The following MAPK9 variants were observed in gnomAD, a reference collection of about 807,000 sequenced individuals.
MAPK9 encodes mitogen-activated protein kinase 9.
In MAPK9, 30 loss-of-function variants were observed where a neutral mutation model predicts 57.1. That is an observed-to-expected ratio of 0.53 (90% CI 0.39 to 0.71). MAPK9 has a LOEUF of 0.71. Among genes scored for constraint, MAPK9 ranks in the 30% least tolerant of loss-of-function variants. MAPK9 has a pLI of 0.00. For missense variants in MAPK9, 362 were observed against 521.0 expected (o/e 0.69, Z 2.97); for synonymous variants, 155 against 177.0 (o/e 0.88, Z 0.99).
intron 2 of MAPK9, among the ~76,000 whole-genome samples, chr5:180,277,466 C>T (rs1324391457): frequency 6.6e-6 from 1 of 152,230 alleles, no homozygotes; most frequent in Admixed American, 6.5e-5. Context: ...AAGAAGGACC[C>T]ACCCAACTAA....
chr5:180,270,043 C>T (rs1340344300), intron 2 of MAPK9, among the ~76,000 whole-genome samples: 4 of 152,170 alleles, frequency 2.6e-5, no homozygotes, highest in African/African-American at 7.2e-5. Flanking sequence ...TCCAGCATCT[C>T]GTTTCCTGTT....
intron 5 of MAPK9, among the ~76,000 whole-genome samples, chr5:180,255,826 T>G (rs1299114135): frequency 3.3e-5 from 5 of 152,114 alleles, no homozygotes. Flanking sequence ...TATTTCAATA[T>G]GGAAATAGAG....
intron 5 of MAPK9, among the ~76,000 whole-genome samples, chr5:180,251,742 G>A (rs985178317): frequency 6.6e-6 from 1 of 152,202 alleles, no homozygotes; most frequent in Admixed American, 6.5e-5. Context: ...AGTGACGCCT[G>A]GATCGGGGCT....
rs781319821 is a variant in MAPK9 at position 180,238,332 on chromosome 5, C to A, written c.1132G>T (p.Asp378Tyr). The A allele has an allele frequency of 6.2e-7, 1 of 1,610,606 alleles. No homozygotes were observed. Among genetic ancestry groups the A allele is most frequent in the African/African-American group, 1.3e-5 (1 of 74,938 alleles). ...ACAATCAATTAAAGCAATCACTAACCTGAAGGCTGATCTTTTACAACACCA... is the reference window on the plus strand; with the variant it reads ...ACAATCAATTAAAGCAATCACTAACATGAAGGCTGATCTTTTACAACACCA... ...KNGVVKDQPS[D>Y]AAVSSNATPS... The change falls in exon 11 of 12, where the codon GAT (aspartate) becomes TAT (tyrosine). Residue 378 changes from aspartate to tyrosine, a missense_variant and splice_region_variant. By Grantham distance (160) the Asp-to-Tyr change is radical. This residue lies in a region of MAPK9 where 199 missense variants were observed against 251.3 expected (regional missense o/e 0.79). Coordinates refer to ENST00000452135, the MANE Select transcript of MAPK9 (RefSeq NM_002752.5).
chr5:180,270,876 A>AG (rs1308320138), intron 2 of MAPK9, among the ~76,000 whole-genome samples: 2 of 145,266 alleles, frequency 1.4e-5, no homozygotes, highest in African/African-American at 2.8e-5. Context: ...AAAAAAAAGA[A>AG]AAAGAAAAAG....
chr5:180,267,940 G>A lies in MAPK9; in HGVS notation c.252+1340C>T, dbSNP rs189215873. Among the ~76,000 whole-genome samples, 397 of 152,210 alleles carry A rather than the reference G, an allele frequency of 2.6e-3. 3 individuals are homozygous for A. The highest frequency in any genetic ancestry group is 8.9e-3 in the African/African-American group (371 of 41,544). Reference sequence around the variant, plus strand: ...TGCAGTGGTGCTATCTCAGCTCACTGCAAGCTCTGCCTCCCGGGTTCATGC... The same window carrying A: ...TGCAGTGGTGCTATCTCAGCTCACTACAAGCTCTGCCTCCCGGGTTCATGC... On this transcript the variant is annotated intron_variant, in intron 3 of 11. Coordinates refer to ENST00000452135, the MANE Select transcript of MAPK9 (RefSeq NM_002752.5).
intron 2 of MAPK9, among the ~76,000 whole-genome samples, chr5:180,279,143 A>G (rs1228341798): frequency 4.6e-5 from 7 of 152,028 alleles, no homozygotes; most frequent in African/African-American, 1.7e-4. Flanking sequence ...TTTTTAGCAA[A>G]GACGGGGTTT....
intron 3 of MAPK9, among the ~76,000 whole-genome samples, chr5:180,268,222 T>C (rs950729951): frequency 6.6e-6 from 1 of 152,236 alleles, no homozygotes; most frequent in African/African-American, 2.4e-5. Context: ...AACTTCATTT[T>C]CTAGAAACAT....
rs1757355275 is a variant in MAPK9 at position 180,238,360 on chromosome 5, C to T, written c.1104G>A (p.Lys368=). 6.2e-7 allele frequency: 1 copy of T among 1,612,602 alleles called. No individual in the cohort carries two copies. Among genetic ancestry groups the T allele is most frequent in the African/African-American group, 1.3e-5 (1 of 74,900 alleles). ...AAGGCTGATCTTTTACAACACCATT[C>T]TTGCTTCTTTCTTCCCAATCCATGA... ...KEVMDWEERS[K]NGVVKDQPSD... Residue 368 remains lysine, a synonymous_variant, in exon 11 of 12, where the codon AAG becomes AAA. Coordinates refer to ENST00000452135, the MANE Select transcript of MAPK9 (RefSeq NM_002752.5).
At chr5:180,284,032 C>A (rs75795835) in intron 1 of MAPK9, among the ~76,000 whole-genome samples, 156 of 152,334 alleles carry the variant, frequency 1.0e-3, no homozygotes, top group African/African-American at 2.9e-3. Context: ...GTTAAAGCCA[C>A]CTTCTCTGTC....
intron 3 of MAPK9, among the ~76,000 whole-genome samples, chr5:180,268,204 T>C (rs1393474021): frequency 2.6e-5 from 4 of 152,214 alleles, no homozygotes; most frequent in South Asian, 2.1e-4. Flanking sequence ...ATGTGCTTGA[T>C]TGAACCCAAC....
chr5:180,236,595 T>C, intron 11 of MAPK9, 69 bp from the exon 12 acceptor site: 10 of 1,543,430 alleles, frequency 6.5e-6, no homozygotes, highest in Non-Finnish European at 8.9e-6. Flanking sequence ...GCAGCGAGAC[T>C]GCAGGCCATT....
chr5:180,261,971 A>G (rs938681539), intron 4 of MAPK9, 149 bp from the exon 5 acceptor site: 5 of 584,572 alleles, frequency 8.6e-6, no homozygotes, highest in African/African-American at 7.6e-5. Context: ...AAAATTTTCC[A>G]AAGAATATAT....
At chr5:180,271,434 C>T (rs1761303194) in intron 2 of MAPK9, among the ~76,000 whole-genome samples, 1 of 152,218 alleles carries the variant, frequency 6.6e-6, no homozygotes, top group South Asian at 2.1e-4. Context: ...CCCCAATCGC[C>T]AACACCTCCT....
In MAPK9 at chr5:180,251,290, G is replaced by A. The variant is rs34843486; in HGVS notation, c.451-2152C>T. ...CCAGCCCACCCAGAACTAACAGCAC[G>A]GCCGCAGGAGCAAGGAAGACAAGGA... On this transcript the variant is annotated intron_variant, in intron 5 of 11. Coordinates refer to ENST00000452135, the MANE Select transcript of MAPK9 (RefSeq NM_002752.5). Among the ~76,000 whole-genome samples, 712 of 152,126 alleles carry A rather than the reference G, an allele frequency of 4.7e-3. 8 individuals are homozygous for A. Among genetic ancestry groups the A allele is most frequent in the African/African-American group, 0.015 (636 of 41,506 alleles).
chr5:180,237,001 T>G (rs906056235), intron 11 of MAPK9: 3 of 152,316 alleles, frequency 2.0e-5, no homozygotes, highest in African/African-American at 7.2e-5. Context: ...TTGCAATAAA[T>G]AAAGACTATA....
chr5:180,268,116 A>G (rs80053410), intron 3 of MAPK9, among the ~76,000 whole-genome samples: 19,339 of 152,084 alleles, frequency 0.13, 1,442 homozygotes, highest in East Asian at 0.19. Flanking sequence ...GAGCCACTGC[A>G]CCCGGCCAAC....
chr5:180,272,539 C>T (rs968932350), intron 2 of MAPK9, among the ~76,000 whole-genome samples: 13 of 152,204 alleles, frequency 8.5e-5, no homozygotes, highest in African/African-American at 2.9e-4. Context: ...ACTGCTTTGA[C>T]ATGTACAATA....
intron 1 of MAPK9, among the ~76,000 whole-genome samples, chr5:180,289,747 T>C (rs139191119): frequency 6.6e-6 from 1 of 152,118 alleles, no homozygotes; most frequent in African/African-American, 2.4e-5. Context: ...TCCTGGAGGA[T>C]GACGATCCTG....
Sources: allele counts gnomAD v4.1 joint callset (sites outside exome capture counted in the v4.1 genomes callset), GRCh38; gene constraint gnomAD v4.1.1; regional missense constraint gnomAD v4.1.1; transcripts MANE v1.5; gene names NCBI Gene and HGNC (gene_info 2026-07-23, HGNC 2026-07-21).